OC90: variants seen among roughly 807,000 people sequenced by gnomAD.
The protein encoded by OC90 is otoconin 90, also known as otoconin-90.
Under a neutral mutation model 47.3 loss-of-function variants are expected in OC90, and 46 were observed. The observed-to-expected ratio is 0.97, with a 90% CI of 0.77 to 1.24. The LOEUF is 1.24. Ranked by LOEUF, OC90 falls within the 50% of genes most tolerant of loss-of-function variation. The pLI is 0.00. For missense variants in OC90, 688 were observed against 583.9 expected (o/e 1.18, Z -1.84); for synonymous variants, 271 against 219.5 (o/e 1.23, Z -2.07).
intron 11 of OC90, among the ~76,000 whole-genome samples, chr8:132,032,341 C>T (rs936750641): frequency 6.6e-6 from 1 of 152,156 alleles, no homozygotes; most frequent in African/African-American, 2.4e-5. Context: ...ACCCAAGATG[C>T]TGTTTGGGGC....
Position 132,026,658 on chromosome 8 carries a change from TGAATCA to T in OC90, c.1139-1888_1139-1883del, listed in dbSNP as rs574653596. On this transcript the variant is annotated intron_variant, in intron 13 of 13. Coordinates refer to ENST00000254627, the MANE Select transcript of OC90 (RefSeq NM_001080399.3). ...GGTCAGAACTGGTTTACTGAAGCTG[TGAATCA>T]GTTCAATCTTCAGATGCAGTGTTCC... Among the ~76,000 whole-genome samples the T allele has an allele frequency of 2.8e-3, 429 of 152,320 alleles. 3 individuals carry two copies. Among genetic ancestry groups the T allele is most frequent in the African/African-American group, 9.6e-3 (397 of 41,568 alleles).
intron 2 of OC90, among the ~76,000 whole-genome samples, chr8:132,052,178 C>A (rs1823220629): frequency 6.6e-6 from 1 of 152,132 alleles, no homozygotes; most frequent in South Asian, 2.1e-4. Context: ...ACAGGGAATT[C>A]CCTCCTGCCT....
At position 132,027,205 on chromosome 8, in the gene OC90, G is replaced by A. The variant is rs561838822; in HGVS notation, c.1138+1868C>T. Reference sequence around the variant, plus strand: ...CTACATGAGATTAGAATAGTTAGTCGCTTGCCTACATCACTTCCGTCCAAG... The same window carrying A: ...CTACATGAGATTAGAATAGTTAGTCACTTGCCTACATCACTTCCGTCCAAG... On this transcript the variant is annotated intron_variant, in intron 13 of 13. Transcript: ENST00000254627. Among the ~76,000 whole-genome samples the A allele has an allele frequency of 1.9e-4, 29 of 152,288 alleles. 1 individual carries two copies. The highest frequency in any genetic ancestry group is 1.9e-3 in the South Asian group (9 of 4,824).
At chr8:132,055,990 C>A (rs181764236) in intron 1 of OC90, among the ~76,000 whole-genome samples, 1 of 152,114 alleles carries the variant, frequency 6.6e-6, no homozygotes, top group African/African-American at 2.4e-5. Flanking sequence ...AATGTAAATA[C>A]GGTTGGTTGT....
rs189641448 is a variant in OC90 at position 132,026,395 on chromosome 8, G to A, written c.1139-1619C>T. On this transcript the variant is annotated intron_variant, in intron 13 of 13. Coordinates refer to ENST00000254627, the MANE Select transcript of OC90 (RefSeq NM_001080399.3). The stretch of plus-strand genomic sequence containing the variant: ...CCAAGCCTCCTAACTTGGTCTCCAC[G>A]TCAGCCCCAGACATGCCAGTTGCAT... 7.7e-4 allele frequency among the ~76,000 whole-genome samples: 117 copies of A among 152,180 alleles called. No homozygotes were observed. The East Asian group carries it at 0.01, about 14-fold the overall frequency.
In OC90 at chr8:132,048,206, G is replaced by A. The variant is rs538103042; in HGVS notation, c.47-2323C>T. Among the ~76,000 whole-genome samples, 10 of 152,318 alleles carry A rather than the reference G, an allele frequency of 6.6e-5. No individual in the cohort carries two copies. The South Asian group carries it at 1.9e-3, about 28-fold the overall frequency. Reference sequence around the variant, plus strand: ...TGTGGGATTTTGTTATAACAGCATGGACAGACTAAGCTAAATTTGACAGAA... The same window carrying A: ...TGTGGGATTTTGTTATAACAGCATGAACAGACTAAGCTAAATTTGACAGAA... On this transcript the variant is annotated intron_variant, in intron 2 of 13. Coordinates refer to ENST00000254627, the MANE Select transcript of OC90 (RefSeq NM_001080399.3).
In OC90 at chr8:132,029,173, G is replaced by A. The variant is rs370519128; in HGVS notation, c.1038C>T (p.Cys346=). The A allele has an allele frequency of 1.2e-6, 2 of 1,613,192 alleles. No individual in the cohort carries two copies. The highest frequency in any genetic ancestry group is 1.7e-6 in the Non-Finnish European group (2 of 1,179,238). Reference sequence around the variant, plus strand: ...GCTCTAGGCAGCAGTGATGGGACAAGCAGCACCTAAGACCAAGGAAAACCC... The same window carrying A: ...GCTCTAGGCAGCAGTGATGGGACAAACAGCACCTAAGACCAAGGAAAACCC... ...GEPRDDLDRC[C]LSHHCCLEQV... is the part of the protein sequence containing the mutation. Residue 346 remains cysteine (C), a synonymous_variant, in exon 13 of 14, where the codon TGC becomes TGT. Transcript: ENST00000254627.
chr8:132,039,458 C>A (rs1006706061), intron 6 of OC90, among the ~76,000 whole-genome samples: 2 of 152,094 alleles, frequency 1.3e-5, no homozygotes, highest in African/African-American at 2.4e-5. Context: ...CCTAACTATG[C>A]CCCCAGCTTC....
At chr8:132,043,415 A>G (rs948352307) in intron 4 of OC90, among the ~76,000 whole-genome samples, 17 of 152,370 alleles carry the variant, frequency 1.1e-4, no homozygotes, top group African/African-American at 3.6e-4. Flanking sequence ...TCAACCAGGG[A>G]TAATGATTTG....
intron 1 of OC90, among the ~76,000 whole-genome samples, chr8:132,058,559 G>C (rs1033230942): frequency 3.3e-5 from 5 of 152,226 alleles, no homozygotes; most frequent in African/African-American, 1.2e-4. Flanking sequence ...GGGAGTTCAG[G>C]CTCTGCCTTT....
At chr8:132,049,695 C>T (rs577880281) in intron 2 of OC90, 63 of 409,392 alleles carry the variant, frequency 1.5e-4, no homozygotes, top group Middle Eastern at 1.4e-3. Context: ...CAGCCCTTTC[C>T]ATATAATTTT....
At chr8:132,045,974 A>G in intron 2 of OC90, 91 bp from the exon 3 acceptor site, 1 of 730,222 alleles carries the variant, frequency 1.4e-6, no homozygotes, top group Admixed American at 2.3e-5. Context: ...CCAGACAAAC[A>G]ATGGGAATTC....
chr8:132,049,698 A>G (rs1309099127), intron 2 of OC90: 3 of 415,668 alleles, frequency 7.2e-6, no homozygotes, highest in East Asian at 1.2e-4. Flanking sequence ...CCCTTTCCAT[A>G]TAATTTTTAG....
intron 13 of OC90, among the ~76,000 whole-genome samples, chr8:132,027,312 T>C (rs889663223): frequency 1.4e-4 from 21 of 152,188 alleles, no homozygotes; most frequent in African/African-American, 4.8e-4. Context: ...AAGTGGATAA[T>C]AGAATGAACG....
rs768486160 is a variant in OC90, at chr8:132,034,837, G to T, written c.680-3C>A. 4 of 1,611,520 alleles carry T rather than the reference G, an allele frequency of 2.5e-6. No homozygotes were observed. In the African/African-American group the frequency reaches 4.0e-5, roughly 16 times the overall value. On this transcript the variant is annotated splice_polypyrimidine_tract_variant and splice_region_variant and intron_variant, in intron 9 of 13. Transcript: ENST00000254627. ...TCCTTCCTGATCGTGGCCTGCTTCT[G>T]TTCCCCAAAGAAGAGAGACAGCATG... is the stretch of plus-strand genomic sequence containing the variant.
intron 3 of OC90, 88 bp downstream of exon 3, chr8:132,045,730 A>C (rs1020210658): frequency 1.5e-5 from 11 of 749,048 alleles, no homozygotes; most frequent in Non-Finnish European, 2.6e-5. Context: ...GAGTGGCTCT[A>C]GGGTGTATTC....
chr8:132,032,542 T>C, intron 11 of OC90, among the ~76,000 whole-genome samples: 1 of 152,126 alleles, frequency 6.6e-6, no homozygotes, highest in East Asian at 1.9e-4. Context: ...TGTCCACAAA[T>C]CTCAAATGCA....
At chr8:132,038,766 G>A in intron 8 of OC90, 24 bp downstream of exon 8, 1 of 1,605,782 alleles carries the variant, frequency 6.2e-7, no homozygotes, top group Non-Finnish European at 8.5e-7. Context: ...TGGTTCAAGA[G>A]CCACCAACCC....
chr8:132,025,242 G>C (rs1822740042), intron 13 of OC90, among the ~76,000 whole-genome samples: 1 of 152,232 alleles, frequency 6.6e-6, no homozygotes, highest in Non-Finnish European at 1.5e-5. Context: ...TCAGGCAACT[G>C]TCAGGTGACT....
Sources: gnomAD v4.1 joint callset for allele counts (sites outside exome capture counted in the v4.1 genomes callset) on GRCh38, gnomAD v4.1.1 for gene constraint, MANE v1.5 for transcripts, NCBI Gene and HGNC (gene_info 2026-07-23, HGNC 2026-07-21) for gene names.